The following KIF12 variants were observed in gnomAD, a reference collection of about 807,000 sequenced individuals.
The protein encoded by KIF12 is kinesin family member 12, also known as kinesin-like protein KIF12.
Under a neutral mutation model 87.9 loss-of-function variants are expected in KIF12, and 80 were observed. That is an observed-to-expected ratio of 0.91 (90% CI 0.76 to 1.10). KIF12 has a LOEUF of 1.10. Among genes scored for constraint, KIF12 ranks in the 50% least tolerant of loss-of-function variants. KIF12 has a pLI of 0.00. For synonymous variants in KIF12, 353 were observed against 348.5 expected, an observed-to-expected ratio of 1.01 and a Z score of -0.14; for missense variants, 819 against 865.3, an observed-to-expected ratio of 0.95 and a Z score of 0.67.
At position 114,095,201 on chromosome 9, in the gene KIF12, C is replaced by A; in HGVS notation, c.1014+13G>T. On this transcript the variant is annotated intron_variant, in intron 10 of 18. Coordinates refer to ENST00000640217, the MANE Select transcript of KIF12 (RefSeq NM_001388308.1). ...CAAGACCCAACCTTCCCTGCCAGGC[C>A]CCGCTTAAGTACCATGAGGGTGACC... 6 of 1,613,150 alleles carry A rather than the reference C, an allele frequency of 3.7e-6. No homozygotes were observed. The highest frequency in any genetic ancestry group is 5.1e-6 in the Non-Finnish European group (6 of 1,179,856).
intron 5 of KIF12, 61 bp from the exon 6 acceptor site, chr9:114,097,802 C>A: frequency 6.4e-7 from 1 of 1,552,480 alleles, no homozygotes; most frequent in Admixed American, 2.0e-5. Context: ...CTCTGTAGCG[C>A]ATGTATGATA....
Position 114,091,703 on chromosome 9 carries a change from CT to C in KIF12, c.*157del, listed in dbSNP as rs1046650515. On this transcript the variant is annotated 3_prime_UTR_variant, in exon 19 of 19. Coordinates refer to ENST00000640217, the MANE Select transcript of KIF12 (RefSeq NM_001388308.1). The stretch of plus-strand genomic sequence containing the variant: ...TGCTGCCTGGTTTCTCCTGAATCCC[CT>C]TGTTCCCCTAAATAGCACCCCCAGT... The C allele has an allele frequency of 3.5e-5, 23 of 662,446 alleles. No homozygotes were observed. In the African/African-American group the frequency reaches 4.0e-4, roughly 12 times the overall value. The allele number at this position is 662,446 out of a possible 1,614,324, so 41.0% of individuals were successfully genotyped here.
intron 14 of KIF12, 105 bp downstream of exon 14, chr9:114,093,780 AG>A: frequency 2.1e-6 from 2 of 932,868 alleles, no homozygotes; most frequent in South Asian, 2.9e-5. Context: ...AACTGAACCT[AG>A]TTGGTCTGAA....
chr9:114,097,150 GCCTTT>G lies in KIF12; in HGVS notation c.646+146_646+150del. On this transcript the variant is annotated intron_variant, in intron 7 of 18. Transcript: ENST00000640217. ...CAGTGCGGGGAGGCCCTTGGGCCAT[GCCTTT>G]GAATTGTGGTTTACTGGTCCTTCCC... 1.1e-4 allele frequency: 88 copies of G among 801,590 alleles called. 22 individuals are homozygous for G. The highest frequency in any genetic ancestry group is 1.4e-4 in the Non-Finnish European group (78 of 545,072). 49.7% of individuals were successfully genotyped at this position (801,590 alleles called of 1,614,324 possible).
intron 7 of KIF12, 49 bp downstream of exon 7, chr9:114,097,252 T>C (rs778793578): frequency 4.7e-5 from 74 of 1,588,622 alleles, no homozygotes; most frequent in East Asian, 6.8e-5. Flanking sequence ...AGTGAACAAC[T>C]GAGGAATGGG....
Position 114,097,722 on chromosome 9 carries a change from G to C in KIF12, c.395C>G (p.Pro132Arg). ...CTGCATGATGCCAGCCAGGCTGGGG[G>C]GTACAGGCACCCCCTCCCCCTAGGG... is the stretch of plus-strand genomic sequence containing the variant. ...PPPQGEGVPV[P>R]PSLAGIMQRT... The change falls in exon 6 of 19, where the codon CCC becomes CGC. Residue 132 changes from proline (P) to arginine (R), a missense_variant. By Grantham distance (103) the Pro-to-Arg change is moderately radical. Transcript: ENST00000640217. 1 of 1,613,942 alleles carries C rather than the reference G, an allele frequency of 6.2e-7. No homozygotes were observed. The highest frequency in any genetic ancestry group is 1.7e-4 in the Middle Eastern group (1 of 6,018).
intron 14 of KIF12, 30 bp downstream of exon 14, chr9:114,093,856 G>A (rs1363676144): frequency 6.3e-7 from 1 of 1,586,664 alleles, no homozygotes; most frequent in South Asian, 1.1e-5. Flanking sequence ...CTGTCCAGAG[G>A]CCTGGCTCCA....
chr9:114,091,841 C>T lies in KIF12; in HGVS notation c.*20G>A, dbSNP rs890477724. 3.2e-6 allele frequency: 5 copies of T among 1,584,678 alleles called. No individual in the cohort carries two copies. The highest frequency in any genetic ancestry group is 1.3e-5 in the African/African-American group (1 of 74,282). The stretch of plus-strand genomic sequence containing the variant: ...CCAGTCTGAGGTCACACAGCAGTCT[C>T]CTGGGTTCCCACTTGGCCTTCAATG... On this transcript the variant is annotated 3_prime_UTR_variant, in exon 19 of 19. Transcript: ENST00000640217.
At chr9:114,092,494 T>C in intron 17 of KIF12, 43 bp from the exon 18 acceptor site, 1 of 1,613,288 alleles carries the variant, frequency 6.2e-7, no homozygotes, top group Non-Finnish European at 8.5e-7. Context: ...AGCCTTTGAG[T>C]TCCCCAGACC....
chr9:114,098,302 C>G lies in KIF12; in HGVS notation c.299G>C (p.Gly100Ala). The change falls in exon 4 of 19, where the codon GGT becomes GCT. Residue 100 changes from glycine (G) to alanine (A), a missense_variant and splice_region_variant. Transcript: ENST00000640217. ...GGAGCGGAGGCGAAGCTTCACTCAC[C>G]CGCGCAGCGCCAGCTCCCCCAGGCG... ...VRRLGELALRGFSCTVFTFGQ... is the reference protein window; with the variant it reads ...VRRLGELALRAFSCTVFTFGQ... The G allele has an allele frequency of 6.8e-7, 1 of 1,468,660 alleles. No homozygotes were observed. 91.0% of individuals were successfully genotyped at this position (1,468,660 alleles called of 1,614,324 possible). A position where few individuals can be genotyped will look rare whatever the true frequency, so the allele number is the denominator to read the frequency against.
chr9:114,091,909 G>C lies in KIF12; in HGVS notation c.1908C>G (p.Pro636=). The change falls in exon 19 of 19, where the codon CCC becomes CCG. Residue 636 remains proline (P), a synonymous_variant. Transcript: ENST00000640217. ...SSLRRGRSQP[P]CSEGARSPGQ... is the part of the protein sequence containing the mutation. ...CTGGGCTCCGTGCGCCCTCACTGCA[G>C]GGTGGCTGGCTGCGGCCACGTCGCA... 1.2e-6 allele frequency: 2 copies of C among 1,612,998 alleles called. No individual in the cohort carries two copies. Among genetic ancestry groups the C allele is most frequent in the South Asian group, 1.1e-5 (1 of 91,046 alleles).
chr9:114,094,073 G>T, intron 13 of KIF12, 101 bp from the exon 14 acceptor site: 2 of 1,449,890 alleles, frequency 1.4e-6, no homozygotes, highest in South Asian at 1.1e-5. Flanking sequence ...CAGGAAGCAG[G>T]TGGGGACATA....
chr9:114,094,737 C>T (rs1195217658), intron 11 of KIF12, among the ~76,000 whole-genome samples: 1 of 152,186 alleles, frequency 6.6e-6, no homozygotes, highest in Non-Finnish European at 1.5e-5. Flanking sequence ...CGAGACCCCA[C>T]ATTAGGCCCC....
At chr9:114,098,531 C>CGGGGCACTCTGGAGGAGGGA in intron 3 of KIF12, 102 bp from the exon 4 acceptor site, 1 of 474,400 alleles carries the variant, frequency 2.1e-6, no homozygotes, top group Middle Eastern at 8.9e-4. Flanking sequence ...GGGAGGAGGG[C>CGGGGCACTCTGGAGGAGGGA]GGGGCACTCT....
chr9:114,095,145 CCT>C lies in KIF12; in HGVS notation c.1015-20_1015-19del, dbSNP rs1455605238. On this transcript the variant is annotated intron_variant, in intron 10 of 18. Transcript: ENST00000640217. ...CAGGCCACCTGGGGAGTGCACTCCC[CCT>C]GAGCGCTCCTCTCTGAGGGCCCCTT... is the stretch of plus-strand genomic sequence containing the variant. 1.9e-6 allele frequency: 3 copies of C among 1,606,932 alleles called. No homozygotes were observed. Among genetic ancestry groups the C allele is most frequent in the East Asian group, 4.5e-5 (2 of 44,822 alleles).
chr9:114,092,247 G>A, intron 18 of KIF12, 86 bp downstream of exon 18: 1 of 1,484,936 alleles, frequency 6.7e-7, no homozygotes, highest in Non-Finnish European at 9.0e-7. Context: ...CCCCATTTCA[G>A]AGATAAGACT....
chr9:114,096,564 G>T, intron 7 of KIF12, 86 bp from the exon 8 acceptor site: 1 of 1,167,492 alleles, frequency 8.6e-7, no homozygotes, highest in Non-Finnish European at 1.3e-6. Flanking sequence ...GAATCCTGGC[G>T]GAAGGGTCAG....
chr9:114,094,592 G>A (rs1847134664), intron 11 of KIF12, 137 bp from the exon 12 acceptor site: 3 of 620,280 alleles, frequency 4.8e-6, no homozygotes, highest in South Asian at 3.9e-5. Context: ...CTTGGCACAA[G>A]GCTGTATCTG....
intron 7 of KIF12, 76 bp from the exon 8 acceptor site, chr9:114,096,554 G>C: frequency 8.0e-7 from 1 of 1,255,250 alleles, no homozygotes; most frequent in South Asian, 1.3e-5. Flanking sequence ...AGGAGCAAAG[G>C]AATCCTGGCG....
Sources: allele counts gnomAD v4.1 joint callset (sites outside exome capture counted in the v4.1 genomes callset), GRCh38; gene constraint gnomAD v4.1.1; transcripts MANE v1.5; gene names NCBI Gene and HGNC (gene_info 2026-07-23, HGNC 2026-07-21).